ZNF385D: variants seen among roughly 807,000 people sequenced by gnomAD.
The protein encoded by ZNF385D is zinc finger protein 659.
In ZNF385D, 15 loss-of-function variants were observed where a neutral mutation model predicts 35.8. The ratio of observed to expected loss-of-function variants is 0.42; its 90% CI spans 0.28 to 0.64. The LOEUF (loss-of-function observed/expected upper bound fraction) is 0.64. ZNF385D is among the 30% of genes least tolerant of loss of function. The pLI, the probability that ZNF385D is intolerant of heterozygous loss-of-function variation, is 0.23. For synonymous variants in ZNF385D, 212 were observed against 186.8 expected (o/e 1.13, Z -1.10); for missense variants, 474 against 494.6 (o/e 0.96, Z 0.39).
chr3:22,310,951 T>C (rs940057892), intron 2 of ZNF385D, among the ~76,000 whole-genome samples: 2 of 151,946 alleles, frequency 1.3e-5, no homozygotes, highest in African/African-American at 4.8e-5. Context: ...TTTGATGTTA[T>C]AAGTCATTAA....
intron 2 of ZNF385D, among the ~76,000 whole-genome samples, chr3:21,600,688 CAGAG>C (rs772216793): frequency 3.0e-4 from 45 of 151,582 alleles, no homozygotes; most frequent in African/African-American, 1.0e-3. Context: ...AAAAAACACA[CAGAG>C]AGAGAGGAAA....
chr3:21,851,546 A>C (rs971466216), intron 3 of ZNF385D, among the ~76,000 whole-genome samples: 8 of 152,110 alleles, frequency 5.3e-5, no homozygotes, highest in Non-Finnish European at 1.2e-4. Context: ...TGAATAAACA[A>C]ATTATAGTAT....
At chr3:22,306,980 T>C (rs1703261768) in intron 2 of ZNF385D, among the ~76,000 whole-genome samples, 1 of 152,148 alleles carries the variant, frequency 6.6e-6, no homozygotes, top group African/African-American at 2.4e-5. Context: ...ACACATGCAT[T>C]AGAGTTTCAA....
In ZNF385D at chr3:21,845,080, G is replaced by A. The variant is rs560924640; in HGVS notation, c.326-180052C>T. ...AACGCAGGTCTTAAAGTTGCTTTGC[G>A]ACATTTTTATTCAAGAGAATAACTT... On this transcript the variant is annotated intron_variant, in intron 3 of 5. Transcript: ENST00000494108. Among the ~76,000 whole-genome samples the A allele has an allele frequency of 5.6e-4, 85 of 151,978 alleles. 2 individuals are homozygous for A. The South Asian group carries it at 0.015, about 28-fold the overall frequency.
chr3:21,664,844 A>G, intron 2 of ZNF385D, 42 bp downstream of exon 2: 1 of 1,612,640 alleles, frequency 6.2e-7, no homozygotes, highest in Middle Eastern at 1.7e-4. Flanking sequence ...TAGTTTTCCA[A>G]TACCTTCCAC....
At chr3:22,138,222 A>C (rs866162056) in intron 3 of ZNF385D, among the ~76,000 whole-genome samples, 50 of 152,120 alleles carry the variant, frequency 3.3e-4, no homozygotes, top group African/African-American at 1.2e-3. Flanking sequence ...AATCAATATC[A>C]TGAAAATGGC....
At chr3:21,535,493 AC>A (rs2062015811) in intron 3 of ZNF385D, among the ~76,000 whole-genome samples, 1 of 152,172 alleles carries the variant, frequency 6.6e-6, no homozygotes, top group African/African-American at 2.4e-5. Context: ...AGAAAAATGT[AC>A]ATCTCTATCT....
chr3:22,015,702 G>T (rs191260574), intron 3 of ZNF385D, among the ~76,000 whole-genome samples: 2 of 152,182 alleles, frequency 1.3e-5, no homozygotes, highest in Non-Finnish European at 2.9e-5. Context: ...CTGGTCTTTG[G>T]TTTTTCTCTT....
chr3:21,601,533 A>C (rs1002098655), intron 2 of ZNF385D, among the ~76,000 whole-genome samples: 3 of 152,214 alleles, frequency 2.0e-5, no homozygotes, highest in Non-Finnish European at 4.4e-5. Flanking sequence ...TTGCTAATAA[A>C]AGTCTAAAAA....
At position 22,079,858 on chromosome 3, in the gene ZNF385D, G is replaced by A. The variant is rs945737418; in HGVS notation, c.325+88959C>T. The stretch of plus-strand genomic sequence containing the variant: ...GCATACTGATGACTCTGATCTTTGT[G>A]TATGTTTTAATTTAGGTCCTTAGAG... On this transcript the variant is annotated intron_variant, in intron 3 of 5. Coordinates refer to the ZNF385D transcript ENST00000494108. 2.0e-5 allele frequency among the ~76,000 whole-genome samples: 3 copies of A among 151,840 alleles called. No homozygotes were observed. In the East Asian group the frequency reaches 5.8e-4, roughly 29 times the overall value.
intron 2 of ZNF385D, among the ~76,000 whole-genome samples, chr3:22,221,224 T>C (rs1309396540): frequency 1.3e-5 from 2 of 152,126 alleles, no homozygotes; most frequent in Admixed American, 1.3e-4. Context: ...TTTGTAAATA[T>C]AAAATATGTG....
At chr3:22,090,635 G>T (rs1332917471) in intron 3 of ZNF385D, among the ~76,000 whole-genome samples, 1 of 152,088 alleles carries the variant, frequency 6.6e-6, no homozygotes, top group Admixed American at 6.6e-5. Flanking sequence ...TTACTTTGTG[G>T]GTTGAGTAAA....
At chr3:22,254,421 A>T (rs1700212223) in intron 2 of ZNF385D, among the ~76,000 whole-genome samples, 2 of 151,902 alleles carry the variant, frequency 1.3e-5, no homozygotes, top group African/African-American at 4.8e-5. Flanking sequence ...ATTTACTATC[A>T]GAAATATTTA....
intron 3 of ZNF385D, among the ~76,000 whole-genome samples, chr3:21,875,589 C>T (rs187913984): frequency 9.9e-5 from 15 of 152,174 alleles, no homozygotes; most frequent in East Asian, 3.9e-4. Context: ...ATATCTGATA[C>T]TCCAGTGCAA....
At chr3:21,910,970 A>G (rs1317204716) in intron 3 of ZNF385D, among the ~76,000 whole-genome samples, 2 of 152,016 alleles carry the variant, frequency 1.3e-5, no homozygotes, top group Admixed American at 6.6e-5. Flanking sequence ...ATGAAAAACT[A>G]CATAGTATTT....
chr3:21,647,050 A>G (rs1281565899), intron 2 of ZNF385D, among the ~76,000 whole-genome samples: 1 of 152,220 alleles, frequency 6.6e-6, no homozygotes, highest in African/African-American at 2.4e-5. Flanking sequence ...AAAACAGCAA[A>G]TATGGACAGA....
intron 3 of ZNF385D, among the ~76,000 whole-genome samples, chr3:22,010,584 A>T (rs371526444): frequency 2.0e-5 from 3 of 152,184 alleles, no homozygotes; most frequent in Admixed American, 6.5e-5. Context: ...CTACATTTAA[A>T]GCCTAGAAAT....
chr3:21,691,337 C>A (rs573435285), intron 1 of ZNF385D, among the ~76,000 whole-genome samples: 1 of 152,038 alleles, frequency 6.6e-6, no homozygotes, highest in Non-Finnish European at 1.5e-5. Flanking sequence ...TTTTATTCTT[C>A]CCCAGTCTAC....
At chr3:22,212,469 T>C (rs191728539) in intron 2 of ZNF385D, among the ~76,000 whole-genome samples, 215 of 152,166 alleles carry the variant, frequency 1.4e-3, no homozygotes, top group African/African-American at 4.9e-3. Context: ...AAGTAATACA[T>C]TGTTGACCTT....
Sources: gnomAD v4.1 joint callset for allele counts (sites outside exome capture counted in the v4.1 genomes callset) on GRCh38, gnomAD v4.1.1 for gene constraint, MANE v1.5 for transcripts, NCBI Gene and HGNC (gene_info 2026-07-23, HGNC 2026-07-21) for gene names.